Variants in TBL1X observed in about 807,000 individuals in gnomAD.
TBL1X encodes the protein transducin beta like 1 X-linked.
Under a neutral mutation model 50.7 loss-of-function variants are expected in TBL1X, and 10 were observed. The ratio of observed to expected loss-of-function variants is 0.20; its 90% CI spans 0.12 to 0.33. The LOEUF (loss-of-function observed/expected upper bound fraction) is 0.33. TBL1X is among the 10% of genes least tolerant of loss of function. The probability of loss-of-function intolerance (pLI) is 1.00; values close to 1 mark genes in which losing one functional copy is unlikely to be tolerated. For synonymous variants in TBL1X, 190 were observed against 214.7 expected (o/e 0.88, Z 1.01); for missense variants, 340 against 504.4 (o/e 0.67, Z 3.12).
chrX:9,549,794 G>C (rs2082262210), intron 2 of TBL1X, among the ~76,000 whole-genome samples: 1 of 111,891 alleles, frequency 8.9e-6, no homozygotes, highest in Non-Finnish European at 1.9e-5. Context: ...CTTGATGGCT[G>C]TTTCTTCGGG....
chrX:9,699,608 C>T (rs1421414996), intron 12 of TBL1X, among the ~76,000 whole-genome samples: 1 of 111,698 alleles, frequency 9.0e-6, no homozygotes, highest in Admixed American at 9.5e-5. Context: ...CAGCCATCGG[C>T]GCCTGGGGAG....
At chrX:9,590,338 C>A (rs1010563080) in intron 2 of TBL1X, among the ~76,000 whole-genome samples, 1 of 104,528 alleles carries the variant, frequency 9.6e-6, no homozygotes, top group Non-Finnish European at 1.9e-5. Flanking sequence ...TATTGTAAGT[C>A]TAAAAATTAT....
chrX:9,522,448 G>A (rs2082111650), intron 2 of TBL1X, among the ~76,000 whole-genome samples: 1 of 111,394 alleles, frequency 9.0e-6, no homozygotes, highest in African/African-American at 3.3e-5. Flanking sequence ...GGCTGGTTCT[G>A]GAAGCGAAAC....
chrX:9,701,851 G>C (rs1178791907), intron 12 of TBL1X, among the ~76,000 whole-genome samples: 1 of 111,709 alleles, frequency 9.0e-6, no homozygotes, highest in Non-Finnish European at 1.9e-5. Context: ...CGAGAACGAA[G>C]AAAATGCGTC....
chrX:9,509,461 C>A, intron 2 of TBL1X, among the ~76,000 whole-genome samples: 2 of 95,335 alleles, frequency 2.1e-5, no homozygotes, highest in Non-Finnish European at 2.1e-5. Context: ...CAGATAGCAT[C>A]ATTTTGTATG....
intron 2 of TBL1X, among the ~76,000 whole-genome samples, chrX:9,629,685 T>TACC (rs1291718578): frequency 8.9e-6 from 1 of 111,951 alleles, no homozygotes; most frequent in Non-Finnish European, 1.9e-5. Context: ...TCGTTTTCCT[T>TACC]GATTTAAAAA....
chrX:9,538,697 T>G (rs1449933691), intron 2 of TBL1X, among the ~76,000 whole-genome samples: 1 of 112,684 alleles, frequency 8.9e-6, no homozygotes, highest in Non-Finnish European at 1.9e-5. Context: ...AGCTCTGTTT[T>G]CTGTATCAGT....
chrX:9,570,966 C>T (rs1361753455), intron 2 of TBL1X, among the ~76,000 whole-genome samples: 2 of 111,902 alleles, frequency 1.8e-5, no homozygotes, highest in Admixed American at 9.5e-5. Flanking sequence ...CGTGAGCCAC[C>T]GCGCCCGGCC....
intron 5 of TBL1X, among the ~76,000 whole-genome samples, chrX:9,682,676 T>TA (rs2083032552): frequency 2.7e-5 from 3 of 111,737 alleles, no homozygotes; most frequent in African/African-American, 6.5e-5. Context: ...AGGGCACTGA[T>TA]ACGGAAGCAG....
chrX:9,583,579 T>C (rs2082453354), intron 2 of TBL1X, among the ~76,000 whole-genome samples: 1 of 111,733 alleles, frequency 8.9e-6, no homozygotes, highest in Non-Finnish European at 1.9e-5. Flanking sequence ...TAAAAAGAAA[T>C]GCAAGTTTTT....
chrX:9,649,965 T>A (rs904888358), intron 3 of TBL1X, among the ~76,000 whole-genome samples: 2 of 111,580 alleles, frequency 1.8e-5, no homozygotes, highest in Non-Finnish European at 3.8e-5. Flanking sequence ...ATTTTTAAAA[T>A]TTTTTTGTAG....
chrX:9,594,211 T>G (rs146169653), intron 2 of TBL1X, among the ~76,000 whole-genome samples: 1,614 of 112,793 alleles, frequency 0.014, 25 homozygotes, highest in African/African-American at 0.05. Flanking sequence ...GTTTATAAAA[T>G]AGGGCACCTT....
Position 9,561,975 on chromosome X carries a change from T to C in TBL1X, c.-131+60126T>C, listed in dbSNP as rs1412367522. Among the ~76,000 whole-genome samples the C allele has an allele frequency of 2.7e-5, 3 of 112,312 alleles. No individual in the cohort carries two copies. In the Admixed American group the frequency reaches 2.8e-4, roughly 11 times the overall value. On this transcript the variant is annotated intron_variant, in intron 2 of 17. Coordinates refer to ENST00000645353, the MANE Select transcript of TBL1X (RefSeq NM_005647.4). ...GGACCATATGATGTTCAGAAACTTT[T>C]ATCATAACTACAGTGAATAAATAAA... is the stretch of plus-strand genomic sequence containing the variant.
At chrX:9,510,126 G>GGGGT (rs1255658937) in intron 2 of TBL1X, among the ~76,000 whole-genome samples, 1 of 111,207 alleles carries the variant, frequency 9.0e-6, no homozygotes, top group Non-Finnish European at 1.9e-5. Context: ...CACAGCTGAT[G>GGGGT]GGGTGGGGGT....
intron 2 of TBL1X, among the ~76,000 whole-genome samples, chrX:9,625,929 C>G (rs1331271418): frequency 8.9e-6 from 1 of 111,876 alleles, no homozygotes; most frequent in Non-Finnish European, 1.9e-5. Context: ...GGCGGTTACC[C>G]TTTTTTGGTT....
chrX:9,691,460 G>T, intron 7 of TBL1X, 119 bp from the exon 8 acceptor site: 8 of 616,372 alleles, frequency 1.3e-5, no homozygotes, highest in Non-Finnish European at 1.6e-5. Flanking sequence ...AAAAAGAAAA[G>T]GAATCATCAG....
chrX:9,535,757 C>A (rs1286723116), intron 2 of TBL1X, among the ~76,000 whole-genome samples: 3 of 111,964 alleles, frequency 2.7e-5, no homozygotes, highest in African/African-American at 9.7e-5. Context: ...TGTAGGACTA[C>A]CTCTCTACTT....
chrX:9,694,072 C>T (rs913790037), intron 11 of TBL1X, among the ~76,000 whole-genome samples: 1 of 111,067 alleles, frequency 9.0e-6, no homozygotes, highest in Non-Finnish European at 1.9e-5. Flanking sequence ...CTGATCCAGC[C>T]AGCAACCTCG....
At chrX:9,551,078 G>A (rs1569052060) in intron 2 of TBL1X, among the ~76,000 whole-genome samples, 1 of 111,347 alleles carries the variant, frequency 9.0e-6, no homozygotes, top group East Asian at 2.8e-4. Context: ...GAAAATATAT[G>A]TATAGACACG....
Sources: gnomAD v4.1 joint callset for allele counts (sites outside exome capture counted in the v4.1 genomes callset) on GRCh38, gnomAD v4.1.1 for gene constraint, MANE v1.5 for transcripts, NCBI Gene and HGNC (gene_info 2026-07-23, HGNC 2026-07-21) for gene names.